The following KCNH7 variants were observed in gnomAD, a reference collection of about 807,000 sequenced individuals.
KCNH7 encodes voltage-gated inwardly rectifying potassium channel KCNH7.
KCNH7 carries 49 observed loss-of-function variants against 120.8 expected under a neutral mutation model. That is an observed-to-expected ratio of 0.41 (90% CI 0.32 to 0.51). The LOEUF is 0.51. Among genes scored for constraint, KCNH7 ranks in the 20% least tolerant of loss-of-function variants. KCNH7 has a pLI of 0.38. For missense variants in KCNH7, 1,097 were observed against 1,446.6 expected, an observed-to-expected ratio of 0.76 and a Z score of 3.92; for synonymous variants, 547 against 516.1, an observed-to-expected ratio of 1.06 and a Z score of -0.81.
intron 2 of KCNH7, among the ~76,000 whole-genome samples, chr2:162,543,617 T>C (rs1420380631): frequency 6.6e-6 from 1 of 152,104 alleles, no homozygotes; most frequent in East Asian, 1.9e-4. Context: ...GGCAGTGATA[T>C]TGAGTAGTAA....
chr2:162,555,638 G>C (rs1355132208), intron 2 of KCNH7, among the ~76,000 whole-genome samples: 1 of 152,048 alleles, frequency 6.6e-6, no homozygotes, highest in African/African-American at 2.4e-5. Flanking sequence ...ACACTCAAGA[G>C]TTTTTTTGAA....
intron 2 of KCNH7, among the ~76,000 whole-genome samples, chr2:162,561,862 C>T (rs552128606): frequency 2.0e-5 from 3 of 152,108 alleles, no homozygotes; most frequent in Admixed American, 2.0e-4. Flanking sequence ...ATATATACAC[C>T]ATGGAATACT....
At chr2:162,668,682 T>C (rs1288719387) in intron 2 of KCNH7, among the ~76,000 whole-genome samples, 1 of 151,886 alleles carries the variant, frequency 6.6e-6, no homozygotes, top group Non-Finnish European at 1.5e-5. Flanking sequence ...GAGCACACAC[T>C]CACAAAACAC....
At chr2:162,431,925 C>T (rs994657553) in intron 8 of KCNH7, among the ~76,000 whole-genome samples, 1 of 151,792 alleles carries the variant, frequency 6.6e-6, no homozygotes, top group Non-Finnish European at 1.5e-5. Flanking sequence ...ACTGAGCTAT[C>T]TTCAATTTTA....
intron 2 of KCNH7, among the ~76,000 whole-genome samples, chr2:162,690,362 G>A (rs1686057406): frequency 6.6e-6 from 1 of 151,596 alleles, no homozygotes; most frequent in African/African-American, 2.4e-5. Flanking sequence ...ACCTGCACTT[G>A]TACCCATGAA....
At chr2:162,824,830 C>A (rs1234477233) in intron 2 of KCNH7, among the ~76,000 whole-genome samples, 1 of 151,616 alleles carries the variant, frequency 6.6e-6, no homozygotes, top group African/African-American at 2.4e-5. Context: ...CAGTTTGCAT[C>A]TCAGCAAAAC....
In KCNH7 at chr2:162,435,346, A is replaced by T; in HGVS notation, c.1806T>A (p.Ser602Arg). The T allele has an allele frequency of 6.2e-7, 1 of 1,613,884 alleles. No individual in the cohort carries two copies. Among genetic ancestry groups the T allele is most frequent in the Non-Finnish European group, 8.5e-7 (1 of 1,179,870 alleles). ...GQQIGKRYND[S>R]DSSSGPSIKD... ...TAATGGATGGTCCAGAACTTGAGTC[A>T]CTGTCATTGTAACGTTTCCCAATTT... Residue 602 changes from serine to arginine, a missense_variant, in exon 8 of 16, where the codon AGT (serine) becomes AGA (arginine). Physicochemically the swap from Ser to Arg is moderately radical, Grantham distance 110. This residue lies in a region of KCNH7 where 36 missense variants were observed against 46.8 expected (regional missense o/e 0.77). Transcript: ENST00000332142.
intron 2 of KCNH7, among the ~76,000 whole-genome samples, chr2:162,708,807 A>G (rs11887380): frequency 0.27 from 40,393 of 151,950 alleles, 7,712 homozygotes; most frequent in East Asian, 0.55. Context: ...AGAACACTGT[A>G]GATGTCATAG....
At chr2:162,380,062 C>A in intron 13 of KCNH7, 41 bp from the exon 14 acceptor site, 2 of 1,599,988 alleles carry the variant, frequency 1.3e-6, no homozygotes, top group Non-Finnish European at 8.6e-7. Context: ...CTCTTAGGTG[C>A]CCCTTTGCGT....
intron 2 of KCNH7, among the ~76,000 whole-genome samples, chr2:162,571,683 G>T (rs887533574): frequency 1.8e-4 from 26 of 143,138 alleles, no homozygotes; most frequent in South Asian, 1.2e-3. Flanking sequence ...GCATGGTACT[G>T]GTACCAAAAC....
At chr2:162,743,935 T>G (rs1376994865) in intron 2 of KCNH7, among the ~76,000 whole-genome samples, 1 of 152,180 alleles carries the variant, frequency 6.6e-6, no homozygotes, top group Non-Finnish European at 1.5e-5. Flanking sequence ...CAAAATTATC[T>G]AGCAAATTTC....
rs71009366 is a variant in KCNH7, at chr2:162,694,477, AGTGT to A, written c.307+142056_307+142059del. On this transcript the variant is annotated intron_variant, in intron 2 of 15. Coordinates refer to ENST00000332142, the MANE Select transcript of KCNH7 (RefSeq NM_033272.4). The stretch of plus-strand genomic sequence containing the variant: ...TGGTGCGTGTGGGTATGTGTGAAAG[AGTGT>A]GTGTGTGTGTGTGTGTGTGTGTGTG... Among the ~76,000 whole-genome samples, 482 of 146,330 alleles carry A rather than the reference AGTGT, an allele frequency of 3.3e-3. 4 individuals are homozygous for A. The highest frequency in any genetic ancestry group is 9.0e-3 in the African/African-American group (364 of 40,262).
intron 2 of KCNH7, among the ~76,000 whole-genome samples, chr2:162,810,801 A>G (rs1267431066): frequency 6.6e-6 from 1 of 152,152 alleles, no homozygotes; most frequent in Non-Finnish European, 1.5e-5. Context: ...TAGTTCTAAA[A>G]TCTGATGCAA....
chr2:162,831,701 C>T (rs1025341250), intron 2 of KCNH7, among the ~76,000 whole-genome samples: 11 of 152,284 alleles, frequency 7.2e-5, no homozygotes, highest in Admixed American at 5.2e-4. Context: ...AACCAAAAAC[C>T]TTTGGAAGCC....
intron 2 of KCNH7, among the ~76,000 whole-genome samples, chr2:162,664,966 A>G (rs567802839): frequency 6.6e-6 from 1 of 152,216 alleles, no homozygotes; most frequent in East Asian, 1.9e-4. Context: ...AGATGTGGAG[A>G]TGTTAAATAT....
At chr2:162,375,716 T>C (rs150609096) in intron 14 of KCNH7, among the ~76,000 whole-genome samples, 2,553 of 152,076 alleles carry the variant, frequency 0.017, 197 homozygotes, top group Admixed American at 0.15. Context: ...TCACTTGACC[T>C]CAGGAGTTTG....
intron 2 of KCNH7, among the ~76,000 whole-genome samples, chr2:162,705,947 G>T (rs567675207): frequency 6.6e-6 from 1 of 152,096 alleles, no homozygotes; most frequent in Non-Finnish European, 1.5e-5. Context: ...ATATCAGAAA[G>T]AAAACACATT....
chr2:162,376,363 G>GGT (rs1686179760), intron 14 of KCNH7, among the ~76,000 whole-genome samples: 1 of 146,802 alleles, frequency 6.8e-6, no homozygotes, highest in Admixed American at 7.0e-5. Flanking sequence ...CTCAAAGTGT[G>GGT]GTTTGTTTTT....
Position 162,527,610 on chromosome 2 carries a change from C to T in KCNH7, c.463+9315G>A, listed in dbSNP as rs114824987. Among the ~76,000 whole-genome samples the T allele has an allele frequency of 8.6e-4, 131 of 152,062 alleles. 1 individual carries two copies. Among genetic ancestry groups the T allele is most frequent in the African/African-American group, 2.9e-3 (120 of 41,544 alleles). On this transcript the variant is annotated intron_variant, in intron 3 of 15. Coordinates refer to ENST00000332142, the MANE Select transcript of KCNH7 (RefSeq NM_033272.4). ...ATAAAATTTTAATGGTTTAAATTAG[C>T]TAGATAATTGTCTAAATTATCAACT...
Sources: allele counts gnomAD v4.1 joint callset (sites outside exome capture counted in the v4.1 genomes callset), GRCh38; gene constraint gnomAD v4.1.1; regional missense constraint gnomAD v4.1.1; transcripts MANE v1.5; gene names NCBI Gene and HGNC (gene_info 2026-07-23, HGNC 2026-07-21).